TEAD1: variants seen among roughly 807,000 people sequenced by gnomAD.
TEAD1 encodes transcriptional enhancer factor TEF-1.
In TEAD1, 9 loss-of-function variants were observed where a neutral mutation model predicts 54.9. The observed-to-expected ratio is 0.16, with a 90% confidence interval of 0.10 to 0.29. The LOEUF (loss-of-function observed/expected upper bound fraction) is 0.29, where lower values mean the gene tolerates loss of function less well. TEAD1 is among the 10% of genes least tolerant of loss of function. The pLI is 1.00. For synonymous variants in TEAD1, 200 were observed against 187.8 expected (o/e 1.07, Z -0.53); for missense variants, 387 against 535.9 (o/e 0.72, Z 2.74).
At chr11:12,852,530 C>T (rs1947297815) in intron 3 of TEAD1, among the ~76,000 whole-genome samples, 1 of 151,448 alleles carries the variant, frequency 6.6e-6, no homozygotes, top group Non-Finnish European at 1.5e-5. Flanking sequence ...TCACTGCAAC[C>T]TCCGCCCCCT....
chr11:12,710,307 G>C (rs1943908411), intron 2 of TEAD1, among the ~76,000 whole-genome samples: 2 of 152,150 alleles, frequency 1.3e-5, no homozygotes, highest in African/African-American at 4.8e-5. Context: ...CTGGGTGACA[G>C]AGTGGGACCC....
At chr11:12,885,082 C>A (rs1010228121) in intron 9 of TEAD1, among the ~76,000 whole-genome samples, 1 of 152,114 alleles carries the variant, frequency 6.6e-6, no homozygotes, top group Non-Finnish European at 1.5e-5. Context: ...GTTCTGTTTT[C>A]CCCATTTTAC....
At chr11:12,815,515 G>C in intron 3 of TEAD1, among the ~76,000 whole-genome samples, 1 of 152,318 alleles carries the variant, frequency 6.6e-6, no homozygotes, top group Non-Finnish European at 1.5e-5. Context: ...GCAAAACACA[G>C]TGTGTAACCA....
intron 3 of TEAD1, among the ~76,000 whole-genome samples, chr11:12,812,916 G>C (rs1284673761): frequency 6.6e-6 from 1 of 152,236 alleles, no homozygotes; most frequent in Non-Finnish European, 1.5e-5. Flanking sequence ...TAGCTAGACT[G>C]TTAAGAGGGG....
At chr11:12,930,032 A>T in intron 11 of TEAD1, 142 bp from the exon 12 acceptor site, 3 of 880,734 alleles carry the variant, frequency 3.4e-6, no homozygotes, top group Middle Eastern at 2.5e-4. Context: ...TTTTTTTTTA[A>T]TTAAGTAGAT....
At chr11:12,876,809 G>T (rs1451271523) in intron 5 of TEAD1, among the ~76,000 whole-genome samples, 1 of 152,306 alleles carries the variant, frequency 6.6e-6, no homozygotes, top group East Asian at 1.9e-4. Flanking sequence ...TCGTATTGAT[G>T]TCAGGGTGAT....
chr11:12,717,916 A>G (rs187999723), intron 2 of TEAD1, among the ~76,000 whole-genome samples: 3 of 152,334 alleles, frequency 2.0e-5, no homozygotes, highest in African/African-American at 7.2e-5. Flanking sequence ...TAATAGAAGT[A>G]CCTTCCTCAT....
intron 3 of TEAD1, among the ~76,000 whole-genome samples, chr11:12,819,456 G>GT (rs1324368501): frequency 6.6e-6 from 1 of 151,914 alleles, no homozygotes; most frequent in Non-Finnish European, 1.5e-5. Context: ...AAAGTTTTTT[G>GT]TTTTTTGTTT....
chr11:12,742,950 A>G (rs908935115), intron 2 of TEAD1, among the ~76,000 whole-genome samples: 3 of 152,120 alleles, frequency 2.0e-5, no homozygotes, highest in South Asian at 2.1e-4. Flanking sequence ...GTGGGAGGGT[A>G]TTGTCTTTGA....
intron 5 of TEAD1, among the ~76,000 whole-genome samples, chr11:12,875,234 C>T (rs1164702769): frequency 6.6e-6 from 1 of 152,190 alleles, no homozygotes; most frequent in East Asian, 1.9e-4. Context: ...TAGCCTCCTC[C>T]CCTTTAGAGT....
chr11:12,763,369 G>A (rs1275441428), intron 2 of TEAD1, among the ~76,000 whole-genome samples: 1 of 152,244 alleles, frequency 6.6e-6, no homozygotes, highest in Non-Finnish European at 1.5e-5. Flanking sequence ...TTCCACAGGT[G>A]TGCTAGGCAC....
At chr11:12,887,091 TTG>T (rs375321632) in intron 9 of TEAD1, among the ~76,000 whole-genome samples, 26,831 of 60,414 alleles carry the variant, frequency 0.44, 2,692 homozygotes, top group East Asian at 0.69. Context: ...GTTTTTTTTT[TTG>T]TTTGTTTTTT....
intron 2 of TEAD1, among the ~76,000 whole-genome samples, chr11:12,749,431 A>G (rs1334584831): frequency 6.6e-6 from 1 of 152,126 alleles, no homozygotes; most frequent in Non-Finnish European, 1.5e-5. Context: ...CTTTTTCCCT[A>G]AAGAAATTTG....
chr11:12,682,680 C>T (rs565266163), intron 2 of TEAD1, among the ~76,000 whole-genome samples: 1 of 152,250 alleles, frequency 6.6e-6, no homozygotes, highest in East Asian at 1.9e-4. Context: ...CTGCTTGCCA[C>T]TGAGCGTTTA....
chr11:12,869,289 G>A (rs1278576865), intron 5 of TEAD1, among the ~76,000 whole-genome samples: 1 of 152,146 alleles, frequency 6.6e-6, no homozygotes, highest in Non-Finnish European at 1.5e-5. Context: ...TTAAGAGTGG[G>A]GAAGAGAGTC....
chr11:12,796,925 C>G (rs1945941657), intron 3 of TEAD1, among the ~76,000 whole-genome samples: 1 of 152,006 alleles, frequency 6.6e-6, no homozygotes, highest in Admixed American at 6.6e-5. Flanking sequence ...TCCTGGCTAA[C>G]ACGGTGAAAC....
chr11:12,692,269 C>T (rs1365146644), intron 2 of TEAD1, among the ~76,000 whole-genome samples: 1 of 152,184 alleles, frequency 6.6e-6, no homozygotes, highest in Non-Finnish European at 1.5e-5. Context: ...TTTAAAGACA[C>T]GCTCTAATGC....
intron 2 of TEAD1, among the ~76,000 whole-genome samples, chr11:12,676,742 A>G (rs1006160116): frequency 2.6e-5 from 4 of 152,154 alleles, no homozygotes; most frequent in Non-Finnish European, 5.9e-5. Flanking sequence ...CACTGTTTCC[A>G]TAAATGGTCA....
At chr11:12,754,791 T>C (rs1447087499) in intron 2 of TEAD1, among the ~76,000 whole-genome samples, 1 of 152,218 alleles carries the variant, frequency 6.6e-6, no homozygotes, top group Non-Finnish European at 1.5e-5. Flanking sequence ...TCCTTGTTGA[T>C]TGGCTTATGA....
Sources: gnomAD v4.1 joint callset for allele counts (sites outside exome capture counted in the v4.1 genomes callset) on GRCh38, gnomAD v4.1.1 for gene constraint, MANE v1.5 for transcripts, NCBI Gene and HGNC (gene_info 2026-07-23, HGNC 2026-07-21) for gene names.